CCDC3: variants seen among roughly 807,000 people sequenced by gnomAD.
CCDC3 encodes coiled-coil domain containing 3.
In CCDC3, 24 loss-of-function variants were observed where a neutral mutation model predicts 21.4. That is an observed-to-expected ratio of 1.12 (90% confidence interval 0.81 to 1.58). CCDC3 has a LOEUF of 1.58. Ranked by LOEUF, CCDC3 falls within the 40% of genes most tolerant of loss-of-function variation. The pLI is 0.00. For missense variants in CCDC3, 425 were observed against 360.9 expected (o/e 1.18, Z -1.44); for synonymous variants, 186 against 166.0 (o/e 1.12, Z -0.93).
chr10:13,069,508 T>C (rs527602762), intron 4 of CCDC3, among the ~76,000 whole-genome samples: 1 of 152,354 alleles, frequency 6.6e-6, no homozygotes, highest in South Asian at 2.1e-4. Context: ...TTGTATTTCA[T>C]AACATCAGGT....
chr10:12,993,255 C>T (rs1835705998), intron 2 of CCDC3, among the ~76,000 whole-genome samples: 1 of 152,150 alleles, frequency 6.6e-6, no homozygotes, highest in Non-Finnish European at 1.5e-5. Context: ...TGAGACAATA[C>T]CCTGAGACAG....
chr10:12,930,504 G>A (rs1473171819), intron 2 of CCDC3, among the ~76,000 whole-genome samples: 1 of 152,172 alleles, frequency 6.6e-6, no homozygotes, highest in African/African-American at 2.4e-5. Flanking sequence ...AACACGGGAT[G>A]TCATTTGGAA....
intron 2 of CCDC3, among the ~76,000 whole-genome samples, chr10:12,994,369 A>G (rs572441749): frequency 3.6e-4 from 55 of 151,206 alleles, no homozygotes; most frequent in African/African-American, 1.3e-3. Flanking sequence ...CTGCACTCCA[A>G]CCTGGGCAAC....
intron 3 of CCDC3, among the ~76,000 whole-genome samples, chr10:13,093,267 G>T (rs1236121123): frequency 2.0e-5 from 3 of 152,176 alleles, no homozygotes; most frequent in Admixed American, 6.5e-5. Flanking sequence ...GCAGGCAAGA[G>T]AGAGAATGAG....
At chr10:12,944,053 A>G (rs1471429441) in intron 2 of CCDC3, among the ~76,000 whole-genome samples, 2 of 152,228 alleles carry the variant, frequency 1.3e-5, no homozygotes, top group Non-Finnish European at 2.9e-5. Context: ...CTGACAAAGC[A>G]GAGTCTTTGT....
chr10:12,898,378 C>G lies in CCDC3; in HGVS notation c.*38G>C. 1.3e-6 allele frequency: 2 copies of G among 1,539,410 alleles called. No homozygotes were observed. The highest frequency in any genetic ancestry group is 1.4e-5 in the African/African-American group (1 of 72,002). ...AACCTCACTCATTCTCAATTACCGT[C>G]AGGATTGGCCCTGCACACCTGGCAG... On this transcript the variant is annotated 3_prime_UTR_variant, in exon 3 of 3. Coordinates refer to ENST00000378825, the MANE Select transcript of CCDC3 (RefSeq NM_031455.4).
upstream of CCDC3, among the ~76,000 whole-genome samples, chr10:13,003,539 C>T (rs1478018291): frequency 6.6e-6 from 1 of 152,188 alleles, no homozygotes; most frequent in Non-Finnish European, 1.5e-5. Context: ...AAGAGAAAAC[C>T]TTAGCAGAGT....
At chr10:12,979,600 G>A (rs1266754609) in intron 2 of CCDC3, among the ~76,000 whole-genome samples, 7 of 151,780 alleles carry the variant, frequency 4.6e-5, no homozygotes, top group Non-Finnish European at 7.4e-5. Flanking sequence ...TCAAACTCCC[G>A]GACTCAAGTG....
intron 2 of CCDC3, among the ~76,000 whole-genome samples, chr10:12,996,250 G>A (rs1835760184): frequency 6.6e-6 from 1 of 152,152 alleles, no homozygotes; most frequent in Non-Finnish European, 1.5e-5. Context: ...TACATGAGAA[G>A]CGTTCAGAAA....
intron 3 of CCDC3, among the ~76,000 whole-genome samples, chr10:13,077,394 T>G (rs1415764234): frequency 1.3e-5 from 2 of 152,190 alleles, no homozygotes; most frequent in Non-Finnish European, 2.9e-5. Context: ...TCCATGCTCA[T>G]GGATAGGAAG....
intron 4 of CCDC3, among the ~76,000 whole-genome samples, chr10:13,053,487 A>T (rs7922305): frequency 0.25 from 37,744 of 151,888 alleles, 4,820 homozygotes; most frequent in Admixed American, 0.27. Flanking sequence ...AGCCCAGGAG[A>T]TTGAGGCTGC....
chr10:13,052,461 T>C (rs1408859648), intron 4 of CCDC3, among the ~76,000 whole-genome samples: 1 of 152,208 alleles, frequency 6.6e-6, no homozygotes, highest in Non-Finnish European at 1.5e-5. Context: ...TATTAATTAT[T>C]ACATACATAT....
At chr10:13,085,759 G>A (rs1241621259) in intron 3 of CCDC3, among the ~76,000 whole-genome samples, 1 of 152,176 alleles carries the variant, frequency 6.6e-6, no homozygotes, top group African/African-American at 2.4e-5. Context: ...CTGAGGTCAG[G>A]AGTTTGAGAC....
rs191630264 is a variant in CCDC3 at position 13,023,822 on chromosome 10, C to T, written c.-1-25310G>A. On this transcript the variant is annotated intron_variant, in intron 5 of 6. Coordinates refer to the CCDC3 transcript ENST00000378839. ...TGCAGAAGGGGTCTCTTGGGTGCAA[C>T]GCCTCTTTATCTGAAGATGTGTGAA... Among the ~76,000 whole-genome samples the T allele has an allele frequency of 8.1e-4, 124 of 152,224 alleles. 1 individual carries two copies. The highest frequency in any genetic ancestry group is 2.6e-3 in the African/African-American group (108 of 41,516).
chr10:12,965,019 C>T (rs1835241216), intron 2 of CCDC3, among the ~76,000 whole-genome samples: 1 of 152,158 alleles, frequency 6.6e-6, no homozygotes, highest in African/African-American at 2.4e-5. Context: ...TCAGTACCCC[C>T]ACCCCTGGGA....
At chr10:12,959,011 A>G (rs1835137756) in intron 2 of CCDC3, among the ~76,000 whole-genome samples, 6 of 152,200 alleles carry the variant, frequency 3.9e-5, no homozygotes, top group Admixed American at 3.9e-4. Context: ...CATTGCCAAA[A>G]GCCAGAGGCT....
chr10:13,018,143 A>G (rs927815434), intron 5 of CCDC3, among the ~76,000 whole-genome samples: 6 of 152,200 alleles, frequency 3.9e-5, no homozygotes, highest in African/African-American at 1.4e-4. Flanking sequence ...GGGAGAGGGA[A>G]TATGTGTAGA....
At chr10:12,932,241 T>C (rs922282055) in intron 2 of CCDC3, among the ~76,000 whole-genome samples, 2 of 152,234 alleles carry the variant, frequency 1.3e-5, no homozygotes, top group African/African-American at 4.8e-5. Context: ...GTAATGTTTC[T>C]TGACCTATGA....
At chr10:12,951,722 T>G (rs537162653) in intron 2 of CCDC3, among the ~76,000 whole-genome samples, 1 of 138,180 alleles carries the variant, frequency 7.2e-6, no homozygotes, top group South Asian at 2.3e-4. Flanking sequence ...GGAGAATCAC[T>G]TGAACCTGGG....
Sources: allele counts gnomAD v4.1 joint callset (sites outside exome capture counted in the v4.1 genomes callset), GRCh38; gene constraint gnomAD v4.1.1; transcripts MANE v1.5; gene names NCBI Gene and HGNC (gene_info 2026-07-23, HGNC 2026-07-21).